Variants in FSTL5 observed in about 807,000 individuals in gnomAD.
FSTL5 encodes follistatin like 5, also known as follistatin-related protein 5.
A neutral mutation model predicts 89.1 loss-of-function variants in FSTL5; 62 were observed. That is an observed-to-expected ratio of 0.70 (90% CI 0.57 to 0.86). The LOEUF (loss-of-function observed/expected upper bound fraction) is 0.86. FSTL5 is among the 40% of genes least tolerant of loss of function. The pLI is 0.00. For synonymous variants in FSTL5, 383 were observed against 346.2 expected (o/e 1.11, Z -1.18); for missense variants, 1,057 against 1,001.6 (o/e 1.06, Z -0.75).
chr4:162,101,087 T>C (rs1730979093), intron 2 of FSTL5, among the ~76,000 whole-genome samples: 1 of 152,166 alleles, frequency 6.6e-6, no homozygotes. Flanking sequence ...GGTGGCTAGC[T>C]CAAAGTCTTA....
At chr4:162,017,153 T>C (rs1736937428) in intron 3 of FSTL5, among the ~76,000 whole-genome samples, 1 of 152,206 alleles carries the variant, frequency 6.6e-6, no homozygotes, top group Non-Finnish European at 1.5e-5. Flanking sequence ...CTGTGGTTAC[T>C]CCGTGCAGGT....
chr4:161,987,253 T>C (rs1180144149), intron 3 of FSTL5, among the ~76,000 whole-genome samples: 1 of 152,036 alleles, frequency 6.6e-6, no homozygotes, highest in Admixed American at 6.6e-5. Context: ...GCTTATAGAG[T>C]TTTGTTCTGT....
At chr4:161,995,767 G>GTT (rs371077939) in intron 3 of FSTL5, among the ~76,000 whole-genome samples, 23 of 137,086 alleles carry the variant, frequency 1.7e-4, no homozygotes, top group South Asian at 2.4e-4. Context: ...CATGTAATGA[G>GTT]TTTTTTTTTT....
Position 161,566,156 on chromosome 4 carries a change from C to CT in FSTL5, c.1015+21298_1015+21299insA, listed in dbSNP as rs1560956658. Among the ~76,000 whole-genome samples, 45 of 103,076 alleles carry CT rather than the reference C, an allele frequency of 4.4e-4. 1 individual carries two copies. Among genetic ancestry groups the CT allele is most frequent in the African/African-American group, 1.6e-3 (43 of 26,080 alleles). 67.6% of individuals were successfully genotyped at this position (103,076 alleles called of 152,430 possible). On this transcript the variant is annotated intron_variant, in intron 8 of 15. Transcript: ENST00000306100. ...TATATACACACACACACACACACAC[C>CT]GTGGAATGCTCCTCAGCCATTAAAA... is the stretch of plus-strand genomic sequence containing the variant.
rs138611628 is a variant in FSTL5 at position 161,986,665 on chromosome 4, G to T, written c.160+46960C>A. 8.1e-3 allele frequency among the ~76,000 whole-genome samples: 1,231 copies of T among 152,306 alleles called. 11 individuals are homozygous for T. The highest frequency in any genetic ancestry group is 0.015 in the Non-Finnish European group (1,000 of 68,034). ...ATTATTATTTAAATATTAGTTTCTA[G>T]AATAGGATAACTGAATGGAGAGTGG... is the stretch of plus-strand genomic sequence containing the variant. On this transcript the variant is annotated intron_variant, in intron 3 of 15. Coordinates refer to ENST00000306100, the MANE Select transcript of FSTL5 (RefSeq NM_020116.5).
chr4:161,413,219 TA>T (rs1731654469), intron 15 of FSTL5, among the ~76,000 whole-genome samples: 1 of 29,006 alleles, frequency 3.4e-5, no homozygotes, highest in African/African-American at 1.6e-4. Context: ...GGAAAAAAAT[TA>T]AAAAATGGGC....
intron 2 of FSTL5, among the ~76,000 whole-genome samples, chr4:162,083,483 T>C (rs1198119069): frequency 1.3e-5 from 2 of 151,672 alleles, no homozygotes; most frequent in Non-Finnish European, 3.0e-5. Flanking sequence ...AAATATACGT[T>C]TTTCATTAAA....
chr4:161,896,936 G>C (rs1041966295), intron 4 of FSTL5, among the ~76,000 whole-genome samples: 6 of 151,958 alleles, frequency 3.9e-5, no homozygotes, highest in Non-Finnish European at 7.4e-5. Context: ...TCTTTTGTTT[G>C]TTTGTTTGTT....
At chr4:162,104,811 G>C (rs1167408206) in intron 2 of FSTL5, among the ~76,000 whole-genome samples, 1 of 152,136 alleles carries the variant, frequency 6.6e-6, no homozygotes, top group African/African-American at 2.4e-5. Context: ...CACAATTCTT[G>C]ATATTATTCA....
chr4:161,492,672 T>G (rs1303785707), intron 12 of FSTL5, among the ~76,000 whole-genome samples: 2 of 151,342 alleles, frequency 1.3e-5, no homozygotes, highest in East Asian at 3.9e-4. Context: ...ATCAACAACA[T>G]TTTGAAAATA....
chr4:161,652,497 A>G (rs1736375624), intron 7 of FSTL5, among the ~76,000 whole-genome samples: 1 of 152,134 alleles, frequency 6.6e-6, no homozygotes, highest in African/African-American at 2.4e-5. Flanking sequence ...CCTGCTTCAT[A>G]GAGTTGTTCT....
chr4:161,566,393 T>A (rs1043264436), intron 8 of FSTL5, among the ~76,000 whole-genome samples: 4 of 151,974 alleles, frequency 2.6e-5, no homozygotes, highest in Non-Finnish European at 4.4e-5. Flanking sequence ...ATCTTTACTA[T>A]TGTGAATAGT....
chr4:162,000,175 G>T (rs1020597613), intron 3 of FSTL5, among the ~76,000 whole-genome samples: 1 of 152,274 alleles, frequency 6.6e-6, no homozygotes, highest in African/African-American at 2.4e-5. Flanking sequence ...TGTCCATAAG[G>T]TTGAATAGTC....
At chr4:161,645,992 G>A (rs1736141727) in intron 7 of FSTL5, among the ~76,000 whole-genome samples, 1 of 151,370 alleles carries the variant, frequency 6.6e-6, no homozygotes, top group African/African-American at 2.4e-5. Flanking sequence ...AAATATCTGA[G>A]TTTGATGGTA....
intron 3 of FSTL5, among the ~76,000 whole-genome samples, chr4:161,969,846 G>A (rs1334778653): frequency 6.6e-6 from 1 of 151,970 alleles, no homozygotes; most frequent in African/African-American, 2.4e-5. Flanking sequence ...AGAAATGAGG[G>A]ATGATAATAA....
intron 4 of FSTL5, among the ~76,000 whole-genome samples, chr4:161,860,154 G>A (rs373166659): frequency 3.1e-4 from 47 of 152,176 alleles, no homozygotes; most frequent in African/African-American, 6.7e-4. Context: ...CGGGCGTGGT[G>A]GCGGGCGCCT....
chr4:161,816,478 A>G (rs1730329965), intron 4 of FSTL5, among the ~76,000 whole-genome samples: 1 of 152,212 alleles, frequency 6.6e-6, no homozygotes, highest in South Asian at 2.1e-4. Context: ...TAACATTTAT[A>G]CATAATCATA....
At chr4:161,944,863 G>T (rs962154061) in intron 3 of FSTL5, among the ~76,000 whole-genome samples, 2 of 151,358 alleles carry the variant, frequency 1.3e-5, no homozygotes, top group Non-Finnish European at 2.9e-5. Context: ...ATTAGCTATA[G>T]ATTTATATTA....
chr4:161,864,380 A>C (rs1003647566), intron 4 of FSTL5, among the ~76,000 whole-genome samples: 7 of 152,170 alleles, frequency 4.6e-5, no homozygotes, highest in Non-Finnish European at 1.0e-4. Flanking sequence ...TCAGTTTATA[A>C]ATCTGTACAA....
Sources: gnomAD v4.1 joint callset for allele counts (sites outside exome capture counted in the v4.1 genomes callset) on GRCh38, gnomAD v4.1.1 for gene constraint, MANE v1.5 for transcripts, NCBI Gene and HGNC (gene_info 2026-07-23, HGNC 2026-07-21) for gene names.